The following NAALADL2 variants were observed in gnomAD, a reference collection of about 807,000 sequenced individuals.
NAALADL2 encodes the protein inactive N-acetylated-alpha-linked acidic dipeptidase-like protein 2.
A neutral mutation model predicts 87.2 loss-of-function variants in NAALADL2; 76 were observed. The observed-to-expected ratio is 0.87, with a 90% CI of 0.72 to 1.05. The LOEUF (loss-of-function observed/expected upper bound fraction) is 1.05, where lower values mean the gene tolerates loss of function less well. NAALADL2 is among the 50% of genes least tolerant of loss of function. The pLI is 0.00. For missense variants in NAALADL2, 1,089 were observed against 945.8 expected (o/e 1.15, Z -1.99); for synonymous variants, 354 against 331.0 (o/e 1.07, Z -0.75).
intron 1 of NAALADL2, among the ~76,000 whole-genome samples, chr3:174,513,988 C>T (rs1393550146): frequency 6.6e-6 from 1 of 152,088 alleles, no homozygotes; most frequent in Non-Finnish European, 1.5e-5. Flanking sequence ...CTGTACCCAC[C>T]TATCCTTACA....
intron 2 of NAALADL2, among the ~76,000 whole-genome samples, chr3:175,199,114 T>C (rs1335381474): frequency 6.6e-6 from 1 of 152,160 alleles, no homozygotes; most frequent in Non-Finnish European, 1.5e-5. Flanking sequence ...CAGCAGGATG[T>C]GTGTTTTTAT....
chr3:174,797,633 T>C (rs1016872080), intron 3 of NAALADL2, among the ~76,000 whole-genome samples: 1 of 152,162 alleles, frequency 6.6e-6, no homozygotes, highest in African/African-American at 2.4e-5. Context: ...TGATGCCTCC[T>C]GCTTTGTTCA....
intron 1 of NAALADL2, among the ~76,000 whole-genome samples, chr3:175,069,861 A>G (rs1715278212): frequency 6.7e-6 from 1 of 149,372 alleles, no homozygotes. Context: ...TGTCCTTTGT[A>G]GGGACATGGA....
chr3:175,315,690 A>G (rs1366409194), intron 4 of NAALADL2, among the ~76,000 whole-genome samples: 4 of 152,218 alleles, frequency 2.6e-5, no homozygotes, highest in Non-Finnish European at 5.9e-5. Flanking sequence ...AGCATTTTCT[A>G]GTATAAAATT....
chr3:175,206,711 TAAA>T (rs1262125139), intron 2 of NAALADL2, among the ~76,000 whole-genome samples: 4 of 151,708 alleles, frequency 2.6e-5, no homozygotes, highest in Non-Finnish European at 4.4e-5. Flanking sequence ...TCTGGAAAAA[TAAA>T]AAAGAGCATA....
intron 2 of NAALADL2, among the ~76,000 whole-genome samples, chr3:174,652,568 G>A (rs975403913): frequency 1.1e-4 from 16 of 148,756 alleles, no homozygotes; most frequent in African/African-American, 2.9e-4. Context: ...ATCAGATCTC[G>A]TGAAACTTAT....
chr3:174,542,422 A>G (rs1186811564), intron 1 of NAALADL2, among the ~76,000 whole-genome samples: 1 of 152,154 alleles, frequency 6.6e-6, no homozygotes, highest in Non-Finnish European at 1.5e-5. Context: ...AAGGGGCCTA[A>G]AGGCAAGATG....
intron 1 of NAALADL2, among the ~76,000 whole-genome samples, chr3:175,061,000 C>T (rs1178556164): frequency 5.9e-5 from 9 of 152,188 alleles, no homozygotes; most frequent in African/African-American, 2.4e-5. Context: ...GAGCTGAGAT[C>T]GTGCCATTGC....
chr3:174,717,357 C>T (rs544797875), intron 2 of NAALADL2, among the ~76,000 whole-genome samples: 29 of 152,110 alleles, frequency 1.9e-4, no homozygotes, highest in Admixed American at 3.9e-4. Flanking sequence ...TTCAGTTTGT[C>T]GGCTGAAGTG....
At chr3:174,854,390 T>G (rs73174780), upstream of NAALADL2, among the ~76,000 whole-genome samples, 15,724 of 152,034 alleles carry the variant, frequency 0.1, 950 homozygotes, top group Middle Eastern at 0.14. Flanking sequence ...GGAAACCTAG[T>G]AGAGAGAAAG....
chr3:174,743,982 T>A (rs1368262350), intron 3 of NAALADL2, among the ~76,000 whole-genome samples: 1 of 151,866 alleles, frequency 6.6e-6, no homozygotes. Flanking sequence ...CAGGAGATAT[T>A]TTTTGCATTT....
chr3:175,490,633 G>A (rs1294851571), intron 9 of NAALADL2, among the ~76,000 whole-genome samples: 1 of 150,978 alleles, frequency 6.6e-6, no homozygotes, highest in Non-Finnish European at 1.5e-5. Flanking sequence ...CTGACCTCGT[G>A]ATCTGCCAGT....
At chr3:175,223,412 A>G (rs991554465) in intron 2 of NAALADL2, among the ~76,000 whole-genome samples, 3 of 150,756 alleles carry the variant, frequency 2.0e-5, no homozygotes, top group Non-Finnish European at 4.4e-5. Context: ...CTAATTCGAT[A>G]TTAGCATAGT....
At chr3:175,108,948 AT>A (rs1450423390) in intron 2 of NAALADL2, among the ~76,000 whole-genome samples, 1 of 151,548 alleles carries the variant, frequency 6.6e-6, no homozygotes, top group Non-Finnish European at 1.5e-5. Flanking sequence ...TTTTTTCTTC[AT>A]CCTGTTTGTG....
intron 2 of NAALADL2, among the ~76,000 whole-genome samples, chr3:174,666,964 A>C (rs1201936695): frequency 6.6e-6 from 1 of 152,136 alleles, no homozygotes; most frequent in Non-Finnish European, 1.5e-5. Context: ...TGTTTCATCT[A>C]ACATAGTGTC....
At chr3:174,570,137 T>C (rs1714756407) in intron 2 of NAALADL2, among the ~76,000 whole-genome samples, 1 of 152,178 alleles carries the variant, frequency 6.6e-6, no homozygotes, top group Non-Finnish European at 1.5e-5. Context: ...AGTGTTGCAC[T>C]GCTTGTTTTC....
chr3:174,576,274 T>C (rs765558915), intron 2 of NAALADL2, among the ~76,000 whole-genome samples: 4 of 152,122 alleles, frequency 2.6e-5, no homozygotes, highest in Non-Finnish European at 4.4e-5. Flanking sequence ...TTATAAAAAC[T>C]TGAAATAAAT....
At chr3:175,454,056 T>A (rs945308417) in intron 6 of NAALADL2, among the ~76,000 whole-genome samples, 2 of 152,098 alleles carry the variant, frequency 1.3e-5, no homozygotes, top group Non-Finnish European at 2.9e-5. Context: ...ACGTATTTTT[T>A]GCTTTCAACC....
intron 3 of NAALADL2, among the ~76,000 whole-genome samples, chr3:174,852,407 A>G (rs1725352100): frequency 6.6e-6 from 1 of 152,188 alleles, no homozygotes; most frequent in Non-Finnish European, 1.5e-5. Context: ...ATTCAGTGGC[A>G]TTTCTATGTC....
Sources: gnomAD v4.1 joint callset for allele counts (sites outside exome capture counted in the v4.1 genomes callset) on GRCh38, gnomAD v4.1.1 for gene constraint, MANE v1.5 for transcripts, NCBI Gene and HGNC (gene_info 2026-07-23, HGNC 2026-07-21) for gene names.